The following HS6ST3 variants were observed in gnomAD, a reference collection of about 807,000 sequenced individuals.
HS6ST3 encodes the protein heparan-sulfate 6-O-sulfotransferase 3.
A neutral mutation model predicts 36.7 loss-of-function variants in HS6ST3; 12 were observed. The observed-to-expected ratio is 0.33, with a 90% CI of 0.21 to 0.53. HS6ST3 has a LOEUF of 0.53. HS6ST3 is among the 20% of genes least tolerant of loss of function. The pLI is 0.95. For missense variants in HS6ST3, 584 were observed against 640.9 expected (o/e 0.91, Z 0.96); for synonymous variants, 240 against 257.5 (o/e 0.93, Z 0.65).
intron 1 of HS6ST3, among the ~76,000 whole-genome samples, chr13:96,198,385 C>T (rs1399609450): frequency 6.6e-6 from 1 of 152,206 alleles, no homozygotes; most frequent in Non-Finnish European, 1.5e-5. Context: ...AGGCAGGTTT[C>T]TGTAGCTGGC....
chr13:96,763,960 T>C (rs1331794324), intron 1 of HS6ST3, among the ~76,000 whole-genome samples: 1 of 152,178 alleles, frequency 6.6e-6, no homozygotes, highest in African/African-American at 2.4e-5. Context: ...AAGGAAAATG[T>C]GGTGTGCAGA....
chr13:96,774,914 G>T (rs1364114989), intron 1 of HS6ST3, among the ~76,000 whole-genome samples: 1 of 152,126 alleles, frequency 6.6e-6, no homozygotes, highest in East Asian at 1.9e-4. Flanking sequence ...AGGAAAAAAT[G>T]TTAAGGGCAG....
At chr13:96,280,906 G>A (rs1457397035) in intron 1 of HS6ST3, among the ~76,000 whole-genome samples, 1 of 152,152 alleles carries the variant, frequency 6.6e-6, no homozygotes, top group Non-Finnish European at 1.5e-5. Context: ...TCAAGTCAAA[G>A]TAACAACAGG....
intron 1 of HS6ST3, among the ~76,000 whole-genome samples, chr13:96,292,954 GT>G (rs990813478): frequency 1.2e-4 from 18 of 152,028 alleles, no homozygotes; most frequent in Middle Eastern, 6.8e-3. Flanking sequence ...CATATATTTA[GT>G]TCACAACTAA....
At chr13:96,363,668 A>G (rs1005633927) in intron 1 of HS6ST3, among the ~76,000 whole-genome samples, 3 of 152,150 alleles carry the variant, frequency 2.0e-5, no homozygotes, top group Admixed American at 6.6e-5. Context: ...CATCACCACA[A>G]AACACCCCTT....
At chr13:96,556,631 T>C (rs556575612) in intron 1 of HS6ST3, among the ~76,000 whole-genome samples, 1 of 152,308 alleles carries the variant, frequency 6.6e-6, no homozygotes, top group Admixed American at 6.5e-5. Flanking sequence ...ACTTTTGAGC[T>C]GATTAGGAAA....
chr13:96,454,834 G>C (rs1384350041), intron 1 of HS6ST3, among the ~76,000 whole-genome samples: 1 of 149,674 alleles, frequency 6.7e-6, no homozygotes, highest in East Asian at 2.0e-4. Flanking sequence ...TTTTATTTTT[G>C]CCACTTCTGT....
At chr13:96,479,559 A>C (rs918732046) in intron 1 of HS6ST3, among the ~76,000 whole-genome samples, 1 of 152,208 alleles carries the variant, frequency 6.6e-6, no homozygotes, top group Non-Finnish European at 1.5e-5. Context: ...CCATCAATAC[A>C]GGTGAGAGGG....
intron 1 of HS6ST3, among the ~76,000 whole-genome samples, chr13:96,108,028 G>C (rs2053849952): frequency 6.6e-6 from 1 of 152,206 alleles, no homozygotes; most frequent in Non-Finnish European, 1.5e-5. Context: ...CAGGGAACAA[G>C]GGAGGTAACC....
chr13:96,729,930 T>C (rs1167194884), intron 1 of HS6ST3, among the ~76,000 whole-genome samples: 1 of 152,248 alleles, frequency 6.6e-6, no homozygotes, highest in Non-Finnish European at 1.5e-5. Flanking sequence ...TCTTTGGATT[T>C]TATTGTTTTA....
At chr13:96,303,326 T>C (rs1050001727) in intron 1 of HS6ST3, among the ~76,000 whole-genome samples, 1 of 152,246 alleles carries the variant, frequency 6.6e-6, no homozygotes, top group Non-Finnish European at 1.5e-5. Flanking sequence ...TAGTGAGGAC[T>C]GCAGAGATCT....
At chr13:96,327,900 C>A (rs1426414162) in intron 1 of HS6ST3, among the ~76,000 whole-genome samples, 20 of 143,148 alleles carry the variant, frequency 1.4e-4, no homozygotes, top group African/African-American at 4.9e-4. Flanking sequence ...CTTCACATCC[C>A]TTGTAAGTTG....
At chr13:96,238,123 A>G (rs1251368554) in intron 1 of HS6ST3, among the ~76,000 whole-genome samples, 1 of 152,184 alleles carries the variant, frequency 6.6e-6, no homozygotes, top group African/African-American at 2.4e-5. Context: ...TTATCTCAGT[A>G]AAGACTACTA....
intron 1 of HS6ST3, among the ~76,000 whole-genome samples, chr13:96,375,259 C>T (rs528721357): frequency 1.3e-4 from 20 of 151,338 alleles, no homozygotes; most frequent in Admixed American, 2.7e-4. Context: ...TGTTCCCCTC[C>T]AACTCCTAGG....
intron 1 of HS6ST3, among the ~76,000 whole-genome samples, chr13:96,571,173 T>G (rs1238986385): frequency 6.6e-6 from 1 of 152,216 alleles, no homozygotes; most frequent in Non-Finnish European, 1.5e-5. Flanking sequence ...GCATGATTTA[T>G]AGTTAAAGGC....
At chr13:96,106,400 T>A (rs894007036) in intron 1 of HS6ST3, among the ~76,000 whole-genome samples, 5 of 152,190 alleles carry the variant, frequency 3.3e-5, no homozygotes, top group African/African-American at 1.2e-4. Context: ...GAAGCTGTGT[T>A]CTCAGCAGCA....
chr13:96,366,735 T>G (rs149559955), intron 1 of HS6ST3, among the ~76,000 whole-genome samples: 135 of 152,082 alleles, frequency 8.9e-4, no homozygotes, highest in African/African-American at 3.1e-3. Context: ...AAAAAGAAAT[T>G]TCTTGATATG....
chr13:96,350,875 C>A (rs1179475223), intron 1 of HS6ST3, among the ~76,000 whole-genome samples: 1 of 152,162 alleles, frequency 6.6e-6, no homozygotes, highest in Non-Finnish European at 1.5e-5. Context: ...CAAAAATGCT[C>A]CCCATTGCTT....
intron 1 of HS6ST3, among the ~76,000 whole-genome samples, chr13:96,791,895 G>A (rs573683515): frequency 9.2e-5 from 14 of 151,834 alleles, no homozygotes; most frequent in African/African-American, 3.1e-4. Context: ...AACTAATATG[G>A]TTATTATTTA....
Sources: allele counts gnomAD v4.1 joint callset (sites outside exome capture counted in the v4.1 genomes callset), GRCh38; gene constraint gnomAD v4.1.1; transcripts MANE v1.5; gene names NCBI Gene and HGNC (gene_info 2026-07-23, HGNC 2026-07-21).